The following PYCR3 variants were observed in gnomAD, a reference collection of about 807,000 sequenced individuals.
PYCR3 encodes the protein pyrroline-5-carboxylate reductase 3.
Under a neutral mutation model 23.4 loss-of-function variants are expected in PYCR3, and 26 were observed. That is an observed-to-expected ratio of 1.11 (90% confidence interval 0.81 to 1.54). The LOEUF (loss-of-function observed/expected upper bound fraction) is 1.54, where lower values mean the gene tolerates loss of function less well. Ranked by LOEUF, PYCR3 falls within the 40% of genes most tolerant of loss-of-function variation. The pLI, the probability that PYCR3 is intolerant of heterozygous loss-of-function variation, is 0.00. For synonymous variants in PYCR3, 194 were observed against 162.6 expected (o/e 1.19, Z -1.47); for missense variants, 360 against 376.3 (o/e 0.96, Z 0.36).
At chr8:143,608,471 G>A (rs2131402155) in intron 1 of PYCR3, 1 of 381,546 alleles carries the variant, frequency 2.6e-6, no homozygotes. Context: ...AGGCCTTGGG[G>A]GAATGTGGTG....
Position 143,606,003 on chromosome 8 carries a change from A to G in PYCR3, c.642+59T>C, listed in dbSNP as rs1829386087. The G allele has an allele frequency of 9.0e-6, 14 of 1,564,092 alleles. No homozygotes were observed. In the East Asian group the frequency reaches 2.5e-4, roughly 28 times the overall value. On this transcript the variant is annotated intron_variant, in intron 5 of 5. Coordinates refer to ENST00000495276, the MANE Select transcript of PYCR3 (RefSeq NM_023078.6). ...TCTCGAGCCTGCTGTTTCCCTGCGC[A>G]CTGGAAGAGGTACAGGCCTGGGCCT...
rs753004143 is a variant in PYCR3 at position 143,605,797 on chromosome 8, T to C, written c.728A>G (p.Tyr243Cys). ...DVCTPGGTTI[Y>C]GLHALEQGGL... ...GCCCTGCTCCAGGGCGTGGAGTCCA[T>C]AGATGGTGGTGCCACCCGGGGTGCA... The change falls in exon 6 of 6, where the codon TAT becomes TGT. Residue 243 changes from tyrosine (Y) to cysteine (C), a missense_variant. By Grantham distance (194) the Tyr-to-Cys change is radical (BLOSUM62 -2). Coordinates refer to ENST00000495276, the MANE Select transcript of PYCR3 (RefSeq NM_023078.6). The C allele has an allele frequency of 1.1e-5, 17 of 1,612,258 alleles. No homozygotes were observed. In the East Asian group the frequency reaches 2.5e-4, roughly 23 times the overall value.
intron 1 of PYCR3, 66 bp from the exon 2 acceptor site, chr8:143,608,192 G>GGGA (rs1554600329): frequency 8.2e-6 from 11 of 1,348,122 alleles, no homozygotes; most frequent in African/African-American, 5.7e-5. Context: ...GGAGAGGAGA[G>GGGA]GGAGCTCACT....
chr8:143,609,015 C>G, intron 1 of PYCR3: 2 of 421,482 alleles, frequency 4.7e-6, no homozygotes, highest in Non-Finnish European at 9.6e-6. Flanking sequence ...GATGATTTTG[C>G]CTGTCTCCTC....
chr8:143,607,720 C>T (rs1461984989), intron 2 of PYCR3, among the ~76,000 whole-genome samples: 6 of 152,166 alleles, frequency 3.9e-5, no homozygotes, highest in South Asian at 2.1e-4. Flanking sequence ...ACTCACCACA[C>T]GTGCACACGC....
rs1223151436 is a variant in PYCR3, at chr8:143,604,340, C to T, written c.*1360G>A. On this transcript the variant is annotated 3_prime_UTR_variant, in exon 6 of 6. Transcript: ENST00000495276. ...AACTGAGTCAGCCTGCCCTGGGAAC[C>T]AGGCAGGGGAGGGAGCTTACGGACG... The T allele has an allele frequency of 6.5e-6, 1 of 154,560 alleles. No homozygotes were observed. The highest frequency in any genetic ancestry group is 1.4e-5 in the Non-Finnish European group (1 of 69,740). The allele number at this position is 154,560 out of a possible 1,614,324, so 9.6% of individuals were successfully genotyped here.
chr8:143,606,708 G>C (rs1471333465), intron 3 of PYCR3, 29 bp from the exon 4 acceptor site: 1 of 1,559,434 alleles, frequency 6.4e-7, no homozygotes. Context: ...GAATCAGGGA[G>C]TCTGTAGGAC....
In PYCR3 at chr8:143,604,567, C is replaced by T. The variant is rs980794364; in HGVS notation, c.*1133G>A. On this transcript the variant is annotated 3_prime_UTR_variant, in exon 6 of 6. Transcript: ENST00000495276. ...CCCAGCCTCGCTGAGGGCATGCTCC[C>T]GCCTCACCTCCAGAGGCTGTTGGGC... The T allele has an allele frequency of 9.8e-6, 3 of 305,544 alleles. No homozygotes were observed. The highest frequency in any genetic ancestry group is 2.7e-5 in the South Asian group (1 of 36,644). The allele number at this position is 305,544 out of a possible 1,614,324, so 18.9% of individuals were successfully genotyped here.
At chr8:143,607,894 C>A (rs1433994686) in intron 2 of PYCR3, among the ~76,000 whole-genome samples, 168 bp downstream of exon 2, 5 of 152,204 alleles carry the variant, frequency 3.3e-5, no homozygotes, top group Admixed American at 3.3e-4. Flanking sequence ...CACAACCTTA[C>A]TTTCCTCCTG....
chr8:143,608,274 G>T, intron 1 of PYCR3, 148 bp from the exon 2 acceptor site: 1 of 623,758 alleles, frequency 1.6e-6, no homozygotes. Context: ...AAAGCGGGAT[G>T]CACCATTCAC....
Position 143,606,470 on chromosome 8 carries a change from G to C in PYCR3, c.546C>G (p.Ala182=). 1.2e-5 allele frequency: 20 copies of C among 1,612,568 alleles called. No homozygotes were observed. The highest frequency in any genetic ancestry group is 1.7e-5 in the Non-Finnish European group (20 of 1,179,934). ...IHTGLSGSGV[A]FVCAFSEALA... is the part of the protein sequence containing the mutation. ...GGATGGACGAGGCAATACTCACGAAGGCCACGCCACTGCCACTGAGGCCAG... is the reference window on the plus strand; with the variant it reads ...GGATGGACGAGGCAATACTCACGAACGCCACGCCACTGCCACTGAGGCCAG... Residue 182 remains alanine (A), a synonymous_variant, in exon 4 of 6, where the codon GCC becomes GCG. Coordinates refer to ENST00000495276, the MANE Select transcript of PYCR3 (RefSeq NM_023078.6).
chr8:143,604,741 C>T lies in PYCR3; in HGVS notation c.*959G>A, dbSNP rs1368539882. On this transcript the variant is annotated 3_prime_UTR_variant, in exon 6 of 6. Transcript: ENST00000495276. The stretch of plus-strand genomic sequence containing the variant: ...CCTAGCCTTCAATCCTGGGGGTTTG[C>T]TTCTCCCCTGAGTCCTGGCTTTCCT... The T allele has an allele frequency of 7.8e-6, 3 of 384,748 alleles. No individual in the cohort carries two copies. The highest frequency in any genetic ancestry group is 6.4e-5 in the African/African-American group (3 of 46,722). 23.8% of individuals were successfully genotyped at this position (384,748 alleles called of 1,614,324 possible). A position where few individuals can be genotyped will look rare whatever the true frequency, so the allele number is the denominator to read the frequency against.
Position 143,604,899 on chromosome 8 carries a change from G to T in PYCR3, c.*801C>A. On this transcript the variant is annotated 3_prime_UTR_variant, in exon 6 of 6. Transcript: ENST00000495276. ...GGGCAGGAGGGCCCAGAGCCACCTG[G>T]CCACTTGTCAGGAGCTTAGGATTGG... 2.0e-6 allele frequency: 1 copy of T among 507,748 alleles called. No individual in the cohort carries two copies. Among genetic ancestry groups the T allele is most frequent in the Non-Finnish European group, 3.9e-6 (1 of 254,976 alleles). 31.5% of individuals were successfully genotyped at this position (507,748 alleles called of 1,614,324 possible).
rs746647260 is a variant in PYCR3, at chr8:143,605,584, G to C, written c.*116C>G. On this transcript the variant is annotated 3_prime_UTR_variant, in exon 6 of 6. Transcript: ENST00000495276. ...TGCCCCCTGCATTTCCCTGTGCAAG[G>C]GGAGAAGGAGCAGTAGGAGACCCTC... is the stretch of plus-strand genomic sequence containing the variant. 4.1e-6 allele frequency: 4 copies of C among 976,530 alleles called. No individual in the cohort carries two copies. Among genetic ancestry groups the C allele is most frequent in the Non-Finnish European group, 5.9e-6 (4 of 672,912 alleles). 60.5% of individuals were successfully genotyped at this position (976,530 alleles called of 1,614,324 possible). A position where few individuals can be genotyped will look rare whatever the true frequency, so the allele number is the denominator to read the frequency against.
Position 143,605,715 on chromosome 8 carries a change from C to A in PYCR3, c.810G>T (p.Glu270Asp). 2 of 1,599,512 alleles carry A rather than the reference C, an allele frequency of 1.3e-6. No homozygotes were observed. The highest frequency in any genetic ancestry group is 1.7e-6 in the Non-Finnish European group (2 of 1,170,004). Residue 270 changes from glutamate to aspartate, a missense_variant, in exon 6 of 6, where the codon GAG becomes GAT. Physicochemically the swap from Glu to Asp is conservative, Grantham distance 45 (BLOSUM62 2). Transcript: ENST00000495276. Reference protein sequence around the residue: ...AVEAATCRAKELSRK With the variant: ...AVEAATCRAKDLSRK ...AGAGCCCAGCCTACTTTCTGCTGAG[C>A]TCCTTGGCCCGGCAGGTGGCAGCCT...
rs1016745173 is a variant in PYCR3 at position 143,607,240 on chromosome 8, T to C, written c.157-108A>G. On this transcript the variant is annotated intron_variant, in intron 2 of 5. Coordinates refer to ENST00000495276, the MANE Select transcript of PYCR3 (RefSeq NM_023078.6). Reference sequence around the variant, plus strand: ...CACACGTTCCCATGGTCCCAGGGCCTCTCCCATTGCAAGTGTCTAGACCAC... The same window carrying C: ...CACACGTTCCCATGGTCCCAGGGCCCCTCCCATTGCAAGTGTCTAGACCAC... 8 of 1,110,454 alleles carry C rather than the reference T, an allele frequency of 7.2e-6. No homozygotes were observed. In the African/African-American group the frequency reaches 9.6e-5, roughly 13 times the overall value. The allele number at this position is 1,110,454 out of a possible 1,614,324, so 68.8% of individuals were successfully genotyped here. A position where few individuals can be genotyped will look rare whatever the true frequency, so the allele number is the denominator to read the frequency against.
chr8:143,606,969 A>T lies in PYCR3; in HGVS notation c.320T>A (p.Leu107Gln). ...GACACTCACCTCCTCCAGGGTGCTC[A>T]GAGACACCCCAGCAGCCACGGACAC... is the stretch of plus-strand genomic sequence containing the variant. The part of the protein sequence containing the change: ...ILVSVAAGVS[L>Q]STLEELLPPN... Residue 107 changes from leucine to glutamine, a missense_variant, in exon 3 of 6, where the codon CTG becomes CAG. Leu to Gln is a moderately radical substitution (Grantham distance 113). Coordinates refer to ENST00000495276, the MANE Select transcript of PYCR3 (RefSeq NM_023078.6). The T allele has an allele frequency of 6.2e-7, 1 of 1,605,650 alleles. No homozygotes were observed. Among genetic ancestry groups the T allele is most frequent in the Admixed American group, 1.7e-5 (1 of 59,598 alleles).
rs1829300722 is a variant in PYCR3, at chr8:143,603,333, A to C, written c.*2367T>G. 1 of 152,252 alleles carries C rather than the reference A, an allele frequency of 6.6e-6. No individual in the cohort carries two copies. The highest frequency in any genetic ancestry group is 1.5e-5 in the Non-Finnish European group (1 of 68,042). 9.4% of individuals were successfully genotyped at this position (152,252 alleles called of 1,614,324 possible). ...GGCATAAAAGTGGAACATTGATCAA[A>C]GATACCGTAATCATATCCATCGTTT... On this transcript the variant is annotated 3_prime_UTR_variant, in exon 6 of 6. Coordinates refer to ENST00000495276, the MANE Select transcript of PYCR3 (RefSeq NM_023078.6).
rs1004733080 is a variant in PYCR3, at chr8:143,603,698, A to T, written c.*2002T>A. The stretch of plus-strand genomic sequence containing the variant: ...AGACCCCAGGCTCCCAGGCCTGCCC[A>T]GGCTTGGCATACAGTCCCCTGGGGT... On this transcript the variant is annotated 3_prime_UTR_variant, in exon 6 of 6. Coordinates refer to ENST00000495276, the MANE Select transcript of PYCR3 (RefSeq NM_023078.6). Among the ~76,000 whole-genome samples, 3 of 152,208 alleles carry T rather than the reference A, an allele frequency of 2.0e-5. No homozygotes were observed. The highest frequency in any genetic ancestry group is 6.5e-5 in the Admixed American group (1 of 15,278).
Sources: gnomAD v4.1 joint callset for allele counts (sites outside exome capture counted in the v4.1 genomes callset) on GRCh38, gnomAD v4.1.1 for gene constraint, MANE v1.5 for transcripts, NCBI Gene and HGNC (gene_info 2026-07-23, HGNC 2026-07-21) for gene names.